The following TBC1D1 variants were observed in gnomAD, a reference collection of about 807,000 sequenced individuals.
The protein encoded by TBC1D1 is TBC1 domain family member 1, also known as TBC1 (tre-2/USP6, BUB2, cdc16) domain family, member 1.
TBC1D1 carries 89 observed loss-of-function variants against 125.6 expected under a neutral mutation model. The observed-to-expected ratio is 0.71, with a 90% confidence interval of 0.60 to 0.85. The LOEUF is 0.85. TBC1D1 is among the 40% of genes least tolerant of loss of function. TBC1D1 has a pLI of 0.00. For missense variants in TBC1D1, 1,377 were observed against 1,469.2 expected (o/e 0.94, Z 1.03); for synonymous variants, 565 against 564.1 (o/e 1.00, Z -0.02).
Position 38,037,919 on chromosome 4 carries a change from A to T in TBC1D1, c.1413+2221A>T, listed in dbSNP as rs144271017. Among the ~76,000 whole-genome samples the T allele has an allele frequency of 8.3e-3, 1,264 of 152,320 alleles. 4 individuals are homozygous for T. The highest frequency in any genetic ancestry group is 0.031 in the South Asian group (148 of 4,828). ...CTTATACATTAAGTTAGAGGCTGTC[A>T]CGTTTTAGTCAATGGACTTGTCGTT... On this transcript the variant is annotated intron_variant, in intron 8 of 19. Transcript: ENST00000261439.
intron 18 of TBC1D1, among the ~76,000 whole-genome samples, chr4:38,130,419 A>G (rs1160207305): frequency 1.3e-5 from 2 of 152,220 alleles, no homozygotes; most frequent in Non-Finnish European, 2.9e-5. Flanking sequence ...CAAAACATCG[A>G]AAGTATGGAA....
chr4:37,974,712 C>A (rs554684517), intron 2 of TBC1D1, among the ~76,000 whole-genome samples: 2 of 152,284 alleles, frequency 1.3e-5, no homozygotes, highest in South Asian at 4.1e-4. Flanking sequence ...CGCATGCCAT[C>A]ACGCCTGGCT....
intron 7 of TBC1D1, among the ~76,000 whole-genome samples, chr4:38,031,605 T>C (rs1368420305): frequency 6.6e-6 from 1 of 152,128 alleles, no homozygotes; most frequent in Non-Finnish European, 1.5e-5. Flanking sequence ...GTGTTGGAAA[T>C]TGATTTATTT....
At chr4:38,004,190 G>A (rs1357993233) in intron 2 of TBC1D1, among the ~76,000 whole-genome samples, 1 of 152,170 alleles carries the variant, frequency 6.6e-6, no homozygotes, top group Non-Finnish European at 1.5e-5. Flanking sequence ...ACTTTCTCCT[G>A]ATAGTTGTGA....
At chr4:38,022,782 G>A (rs903141143) in intron 6 of TBC1D1, among the ~76,000 whole-genome samples, 1 of 152,190 alleles carries the variant, frequency 6.6e-6, no homozygotes, top group Non-Finnish European at 1.5e-5. Context: ...TCTGGAAGGT[G>A]AAGGAGTTTT....
In TBC1D1 at chr4:38,136,696, G is replaced by T. The variant is rs144438724; in HGVS notation, c.3307-439G>T. On this transcript the variant is annotated intron_variant, in intron 19 of 19. Transcript: ENST00000261439. ...TAAGTATATGTGCTCATCAAAACAG[G>T]CCAGGCTCTGCTGCAGTAACAAACT... Among the ~76,000 whole-genome samples the T allele has an allele frequency of 5.3e-5, 8 of 152,286 alleles. No individual in the cohort carries two copies. The East Asian group carries it at 1.4e-3, about 26-fold the overall frequency.
chr4:37,989,685 T>A (rs968815245), intron 2 of TBC1D1, among the ~76,000 whole-genome samples: 4 of 152,210 alleles, frequency 2.6e-5, no homozygotes, highest in Admixed American at 2.0e-4. Flanking sequence ...ACTGCTTTCT[T>A]TAGGCCACAA....
chr4:37,986,166 A>C (rs966881628), intron 2 of TBC1D1, among the ~76,000 whole-genome samples: 5 of 152,230 alleles, frequency 3.3e-5, no homozygotes, highest in Admixed American at 2.6e-4. Context: ...AGGATTTAGT[A>C]ATGTAATTAC....
intron 8 of TBC1D1, among the ~76,000 whole-genome samples, chr4:38,043,505 C>G (rs957143883): frequency 6.6e-6 from 1 of 151,298 alleles, no homozygotes; most frequent in Non-Finnish European, 1.5e-5. Context: ...ATTGCTTGAA[C>G]CTGGGAGGTC....
intron 2 of TBC1D1, among the ~76,000 whole-genome samples, chr4:37,929,038 T>C (rs1046021134): frequency 6.6e-6 from 1 of 152,220 alleles, no homozygotes; most frequent in African/African-American, 2.4e-5. Context: ...ATTGTCCCTC[T>C]TTGTTGGTGC....
At chr4:38,050,762 G>T (rs1750377605) in intron 11 of TBC1D1, among the ~76,000 whole-genome samples, 1 of 152,220 alleles carries the variant, frequency 6.6e-6, no homozygotes, top group Non-Finnish European at 1.5e-5. Context: ...CATTGAGAGT[G>T]TGAGTTAGTA....
At chr4:37,898,538 T>C (rs564160336) in intron 1 of TBC1D1, among the ~76,000 whole-genome samples, 2 of 152,302 alleles carry the variant, frequency 1.3e-5, no homozygotes, top group South Asian at 4.2e-4. Flanking sequence ...GCAGACACGC[T>C]TGCTTCCTGT....
intron 13 of TBC1D1, among the ~76,000 whole-genome samples, chr4:38,092,734 T>TA (rs772977772): frequency 0.035 from 4,635 of 131,122 alleles, 97 homozygotes; most frequent in African/African-American, 0.061. Flanking sequence ...GACTCCATCT[T>TA]AAAAAAAAAA....
chr4:37,926,285 C>T (rs1269607148), intron 2 of TBC1D1, among the ~76,000 whole-genome samples: 1 of 150,890 alleles, frequency 6.6e-6, no homozygotes, highest in Non-Finnish European at 1.5e-5. Context: ...TTTCTGCCTG[C>T]CGTCACTTTA....
intron 2 of TBC1D1, among the ~76,000 whole-genome samples, chr4:37,976,387 G>C (rs958005782): frequency 6.6e-6 from 1 of 152,262 alleles, no homozygotes; most frequent in Non-Finnish European, 1.5e-5. Flanking sequence ...ACCCACAGAA[G>C]TTGTTTGTGG....
intron 2 of TBC1D1, among the ~76,000 whole-genome samples, chr4:37,967,356 G>T (rs1290675351): frequency 6.6e-6 from 1 of 151,984 alleles, no homozygotes; most frequent in Non-Finnish European, 1.5e-5. Flanking sequence ...TTAGCTGGGC[G>T]CAGTGGCGTG....
intron 15 of TBC1D1, among the ~76,000 whole-genome samples, chr4:38,114,042 T>TACACACAC (rs60869418): frequency 1.6e-4 from 23 of 144,146 alleles, no homozygotes; most frequent in African/African-American, 4.2e-4. Context: ...CCCATTGTTC[T>TACACACAC]ACACACACAC....
chr4:37,960,331 T>G (rs1729725794), intron 2 of TBC1D1: 1 of 1,099,628 alleles, frequency 9.1e-7, no homozygotes. Context: ...GGCACAAAAA[T>G]TAGATATTAC....
At chr4:38,030,421 T>C (rs1745904492) in intron 7 of TBC1D1, 1 of 152,278 alleles carries the variant, frequency 6.6e-6, no homozygotes, top group Admixed American at 6.5e-5. Context: ...ATTCACCAAC[T>C]TTGAAAAGCC....
Sources: gnomAD v4.1 joint callset for allele counts (sites outside exome capture counted in the v4.1 genomes callset) on GRCh38, gnomAD v4.1.1 for gene constraint, MANE v1.5 for transcripts, NCBI Gene and HGNC (gene_info 2026-07-23, HGNC 2026-07-21) for gene names.